Variants in ST6GALNAC6 observed in about 807,000 individuals in gnomAD.
ST6GALNAC6 encodes the protein ST6 N-acetylgalactosaminide alpha-2,6-sialyltransferase 6.
Under a neutral mutation model 34.3 loss-of-function variants are expected in ST6GALNAC6, and 19 were observed. The ratio of observed to expected loss-of-function variants is 0.55; its 90% CI spans 0.39 to 0.81. The LOEUF (loss-of-function observed/expected upper bound fraction) is 0.81, where lower values mean the gene tolerates loss of function less well. ST6GALNAC6 is among the 40% of genes least tolerant of loss of function. The pLI is 0.00. For missense variants in ST6GALNAC6, 377 were observed against 467.7 expected (o/e 0.81, Z 1.79); for synonymous variants, 185 against 182.1 (o/e 1.02, Z -0.13).
chr9:127,902,633 G>A (rs2131600186), upstream of ST6GALNAC6, among the ~76,000 whole-genome samples: 1 of 150,498 alleles, frequency 6.6e-6, no homozygotes, highest in African/African-American at 2.5e-5. Flanking sequence ...GTGTTGCCCA[G>A]GCTGGAGTGC....
chr9:127,899,666 T>C (rs377151380), upstream of ST6GALNAC6: 38 of 980,968 alleles, frequency 3.9e-5, no homozygotes, highest in East Asian at 2.1e-3. Flanking sequence ...GCCTGGGAGG[T>C]GGGCGGAGCC....
chr9:127,896,300 G>T lies in ST6GALNAC6; in HGVS notation c.59C>A (p.Pro20His), dbSNP rs140188958. The part of the protein sequence containing the change: ...CEPTSLPPGP[P>H]AGRRHLPLSR... ...GAGGGGTAGGTGTCGGCGTCCTGCA[G>T]GTGGCCCTGGGGGCAGGGATGTGGG... The change falls in exon 3 of 7, where the codon CCT (proline) becomes CAT (histidine). Residue 20 changes from proline to histidine, a missense_variant. Pro to His is a moderately conservative substitution (Grantham distance 77, BLOSUM62 -2). Transcript: ENST00000373146. 3 of 1,613,890 alleles carry T rather than the reference G, an allele frequency of 1.9e-6. No individual in the cohort carries two copies. Among genetic ancestry groups the T allele is most frequent in the East Asian group, 2.2e-5 (1 of 44,870 alleles).
At chr9:127,899,731 G>A (rs1564494565), upstream of ST6GALNAC6, 1 of 916,620 alleles carries the variant, frequency 1.1e-6, no homozygotes, top group Non-Finnish European at 1.3e-6. Context: ...AGGGAAAGGG[G>A]AGGCGGACCC....
intron 5 of ST6GALNAC6, 105 bp from the exon 6 acceptor site, chr9:127,887,696 C>G: frequency 1.1e-6 from 1 of 874,664 alleles, no homozygotes; most frequent in South Asian, 1.5e-5. Context: ...CCCATCCACT[C>G]ATCAGGGCCC....
intron 3 of ST6GALNAC6, among the ~76,000 whole-genome samples, chr9:127,895,672 A>G (rs921688179): frequency 1.3e-5 from 2 of 152,226 alleles, no homozygotes; most frequent in African/African-American, 4.8e-5. Flanking sequence ...TTTTCCGTTT[A>G]ATCACTGTGT....
chr9:127,900,127 G>T (rs947234667), upstream of ST6GALNAC6, among the ~76,000 whole-genome samples: 1 of 152,230 alleles, frequency 6.6e-6, no homozygotes, highest in African/African-American at 2.4e-5. Flanking sequence ...GAAAACTTAA[G>T]ATGTTCCTTC....
At chr9:127,901,253 G>C (rs1830748214), upstream of ST6GALNAC6, among the ~76,000 whole-genome samples, 1 of 152,172 alleles carries the variant, frequency 6.6e-6, no homozygotes, top group South Asian at 2.1e-4. Context: ...ATGAATCTTA[G>C]AGACACAAGG....
At chr9:127,900,553 T>C (rs1588662730), upstream of ST6GALNAC6, among the ~76,000 whole-genome samples, 4 of 60,618 alleles carry the variant, frequency 6.6e-5, no homozygotes, top group African/African-American at 6.9e-5. Context: ...AGAGCGAAAC[T>C]CCGTCTCAAA....
intron 2 of ST6GALNAC6, chr9:127,897,303 G>A (rs1230344468): frequency 1.0e-6 from 1 of 985,802 alleles, no homozygotes; most frequent in East Asian, 1.1e-4. Flanking sequence ...GGCTTAGGGG[G>A]CCCTCCTCAG....
upstream of ST6GALNAC6, among the ~76,000 whole-genome samples, chr9:127,901,593 C>A (rs992300605): frequency 6.9e-6 from 1 of 145,680 alleles, no homozygotes; most frequent in African/African-American, 2.6e-5. Flanking sequence ...CCAGCCTGGG[C>A]GACAGAGAGA....
chr9:127,900,248 G>A (rs926262599), upstream of ST6GALNAC6, among the ~76,000 whole-genome samples: 5 of 152,162 alleles, frequency 3.3e-5, no homozygotes, highest in African/African-American at 1.2e-4. Flanking sequence ...CGAAGTGCAC[G>A]AGGAGGCTGT....
In ST6GALNAC6 at chr9:127,890,816, G is replaced by T; in HGVS notation, c.525C>A (p.Thr175=). 1 of 1,613,828 alleles carries T rather than the reference G, an allele frequency of 6.2e-7. No individual in the cohort carries two copies. The highest frequency in any genetic ancestry group is 1.1e-5 in the South Asian group (1 of 91,072). ...LRRPQEFVNR[T]PETVFIFWGP... ...CCCAGAAGATGAACACGGTTTCAGG[G>T]GTCCGGTTGACAAACTCCTGGGGCC... Residue 175 remains threonine (T), a synonymous_variant, in exon 5 of 7, where the codon ACC becomes ACA. Coordinates refer to ENST00000373146, the MANE Select transcript of ST6GALNAC6 (RefSeq NM_013443.5). This position sits in a 1 kb window ranked among gnomAD's most constrained non-coding sequence, Gnocchi z 4.3.
chr9:127,894,929 T>C (rs1191158519), intron 3 of ST6GALNAC6, among the ~76,000 whole-genome samples: 3 of 152,180 alleles, frequency 2.0e-5, no homozygotes, highest in Non-Finnish European at 4.4e-5. Flanking sequence ...AGGTCAGCCT[T>C]GCTCCCCACT....
intron 4 of ST6GALNAC6, 52 bp from the exon 5 acceptor site, chr9:127,891,095 T>C (rs1430675574): frequency 1.9e-6 from 3 of 1,585,270 alleles, no homozygotes; most frequent in Non-Finnish European, 2.6e-6. Context: ...GCTGGCCCTG[T>C]GCTCCATACA....
At chr9:127,893,486 C>G (rs1588645795) in intron 4 of ST6GALNAC6, among the ~76,000 whole-genome samples, 1 of 152,194 alleles carries the variant, frequency 6.6e-6, no homozygotes, top group Non-Finnish European at 1.5e-5. Context: ...CCCATTCACC[C>G]TTTAAGGCTA....
chr9:127,898,694 G>T (rs1830614582), intron 1 of ST6GALNAC6, among the ~76,000 whole-genome samples: 1 of 152,254 alleles, frequency 6.6e-6, no homozygotes, highest in Non-Finnish European at 1.5e-5. Flanking sequence ...GAGGCAAAGC[G>T]CCTTGCGGGG....
chr9:127,894,516 T>A lies in ST6GALNAC6; in HGVS notation c.293A>T (p.Asn98Ile). 1.2e-6 allele frequency: 2 copies of A among 1,613,838 alleles called. No individual in the cohort carries two copies. Among genetic ancestry groups the A allele is most frequent in the Non-Finnish European group, 1.7e-6 (2 of 1,179,972 alleles). Reference sequence around the variant, plus strand: ...TCCCCAAAGCAGCTGCGCTACCTTGTTGCCGAGAATGGGGACATAGCCGTC... The same window carrying A: ...TCCCCAAAGCAGCTGCGCTACCTTGATGCCGAGAATGGGGACATAGCCGTC... ...ITDGYVPILG[N>I]KTLPSRCHQC... Residue 98 changes from asparagine to isoleucine, a missense_variant, in exon 4 of 7, where the codon AAC becomes ATC. Coordinates refer to ENST00000373146, the MANE Select transcript of ST6GALNAC6 (RefSeq NM_013443.5).
Position 127,890,954 on chromosome 9 carries a change from A to G in ST6GALNAC6, c.387T>C (p.Ala129=). 1 of 1,614,120 alleles carries G rather than the reference A, an allele frequency of 6.2e-7. No individual in the cohort carries two copies. Among genetic ancestry groups the G allele is most frequent in the Non-Finnish European group, 8.5e-7 (1 of 1,180,024 alleles). Reference sequence around the variant, plus strand: ...CATCATTCATGCGGATTGTACACTCAGCCCGCTCGATCTCAGGGCCCAGCT... The same window carrying G: ...CATCATTCATGCGGATTGTACACTCGGCCCGCTCGATCTCAGGGCCCAGCT... ...GTKLGPEIER[A]ECTIRMNDAP... is the part of the protein sequence containing the mutation. The change falls in exon 5 of 7, where the codon GCT becomes GCC. Residue 129 remains alanine, a synonymous_variant. Coordinates refer to ENST00000373146, the MANE Select transcript of ST6GALNAC6 (RefSeq NM_013443.5). This position sits in a 1 kb window ranked among gnomAD's most constrained non-coding sequence, Gnocchi z 4.3.
intron 4 of ST6GALNAC6, among the ~76,000 whole-genome samples, 156 bp from the exon 5 acceptor site, chr9:127,891,199 G>A (rs1054399928): frequency 1.3e-5 from 2 of 152,198 alleles, no homozygotes; most frequent in African/African-American, 4.8e-5. Context: ...TTGATAGCAA[G>A]CTGGTTAATG....
Sources: gnomAD v4.1 joint callset for allele counts (sites outside exome capture counted in the v4.1 genomes callset) on GRCh38, gnomAD v4.1.1 for gene constraint, Gnocchi (gnomAD v3.1) non-coding constraint, MANE v1.5 for transcripts, NCBI Gene and HGNC (gene_info 2026-07-23, HGNC 2026-07-21) for gene names.